The following OCA2 variants were observed in gnomAD, a reference collection of about 807,000 sequenced individuals.
OCA2 encodes the protein OCA2 melanosomal transmembrane protein, also known as P protein.
In OCA2, 77 loss-of-function variants were observed where a neutral mutation model predicts 100.2. That is an observed-to-expected ratio of 0.77 (90% CI 0.64 to 0.93). The LOEUF (loss-of-function observed/expected upper bound fraction) is 0.93. Ranked by LOEUF, OCA2 falls within the 40% of genes least tolerant of loss-of-function variation. The pLI is 0.00. For synonymous variants in OCA2, 432 were observed against 439.2 expected (o/e 0.98, Z 0.21); for missense variants, 1,062 against 1,089.1 (o/e 0.98, Z 0.35).
intron 19 of OCA2, among the ~76,000 whole-genome samples, chr15:27,877,082 A>T (rs1472319607): frequency 3.3e-5 from 5 of 151,894 alleles, no homozygotes; most frequent in African/African-American, 1.2e-4. Context: ...TATTTTCATC[A>T]ACATTTTGCT....
chr15:27,853,491 T>C (rs1322473961), intron 21 of OCA2, among the ~76,000 whole-genome samples: 3 of 147,174 alleles, frequency 2.0e-5, no homozygotes, highest in South Asian at 2.2e-4. Context: ...AGTTAATGGG[T>C]GCAGCACACC....
At chr15:27,923,255 AG>A (rs1339888085) in intron 19 of OCA2, among the ~76,000 whole-genome samples, 1 of 152,248 alleles carries the variant, frequency 6.6e-6, no homozygotes, top group Non-Finnish European at 1.5e-5. Flanking sequence ...CTACCACTGA[AG>A]GACATTTAGA....
At chr15:28,050,633 G>A (rs2043483515) in intron 2 of OCA2, among the ~76,000 whole-genome samples, 2 of 151,340 alleles carry the variant, frequency 1.3e-5, no homozygotes, top group Non-Finnish European at 2.9e-5. Flanking sequence ...GCATACGCAC[G>A]CATCCTCTTC....
chr15:27,854,093 T>C (rs984583852), intron 21 of OCA2, among the ~76,000 whole-genome samples: 4 of 152,140 alleles, frequency 2.6e-5, no homozygotes, highest in African/African-American at 7.2e-5. Flanking sequence ...TGGGTCCTCC[T>C]CCCCACCCCA....
intron 23 of OCA2, among the ~76,000 whole-genome samples, chr15:27,766,942 G>A (rs1051332807): frequency 8.5e-5 from 13 of 152,130 alleles, no homozygotes; most frequent in African/African-American, 2.2e-4. Context: ...CTCCTGGACC[G>A]CCCTGTATGA....
chr15:27,821,626 G>A (rs2034507516), intron 23 of OCA2, among the ~76,000 whole-genome samples: 1 of 138,106 alleles, frequency 7.2e-6, no homozygotes. Flanking sequence ...ATACATGTGT[G>A]CACACTTGCA....
downstream of OCA2, among the ~76,000 whole-genome samples, chr15:27,751,940 C>T (rs2030078547): frequency 6.6e-6 from 1 of 152,232 alleles, no homozygotes; most frequent in South Asian, 2.1e-4. Context: ...ATCTGATCCA[C>T]TGAACCATCA....
At chr15:27,967,230 G>T (rs2140832641) in intron 14 of OCA2, among the ~76,000 whole-genome samples, 1 of 152,322 alleles carries the variant, frequency 6.6e-6, no homozygotes, top group East Asian at 1.9e-4. Flanking sequence ...CAGGAGGGAA[G>T]GGGCTCACCA....
At chr15:27,908,105 T>C (rs1371136258) in intron 19 of OCA2, among the ~76,000 whole-genome samples, 3 of 152,094 alleles carry the variant, frequency 2.0e-5, no homozygotes, top group African/African-American at 4.8e-5. Flanking sequence ...ATATCATGAA[T>C]TACTAATAAA....
At chr15:27,893,505 C>A (rs1464565600) in intron 19 of OCA2, among the ~76,000 whole-genome samples, 2 of 152,098 alleles carry the variant, frequency 1.3e-5, no homozygotes. Context: ...AATGGACGTG[C>A]AAGTAGGAAA....
At chr15:28,080,448 C>T (rs776584690) in intron 2 of OCA2, among the ~76,000 whole-genome samples, 2 of 152,208 alleles carry the variant, frequency 1.3e-5, no homozygotes, top group African/African-American at 4.8e-5. Flanking sequence ...CACGAATGAA[C>T]GAGAGCTACA....
intron 21 of OCA2, among the ~76,000 whole-genome samples, chr15:27,866,370 G>A (rs1402250074): frequency 6.6e-6 from 1 of 152,188 alleles, no homozygotes; most frequent in East Asian, 1.9e-4. Flanking sequence ...GCAGGAGGGA[G>A]GTGCACAGCT....
Position 28,032,212 on chromosome 15 carries a change from A to G in OCA2, c.228-49T>C, listed in dbSNP as rs184696089. The G allele has an allele frequency of 2.0e-5, 26 of 1,310,680 alleles. No homozygotes were observed. The African/African-American group carries it at 2.9e-4, about 15-fold the overall frequency. The allele number at this position is 1,310,680 out of a possible 1,614,324, so 81.2% of individuals were successfully genotyped here. A position where few individuals can be genotyped will look rare whatever the true frequency, so the allele number is the denominator to read the frequency against. ...AGAATCACCAACACAGAAATAATGT[A>G]TGTGTTCCCAGCACTCAGGTGCTAG... On this transcript the variant is annotated intron_variant, in intron 2 of 23. Transcript: ENST00000354638.
intron 2 of OCA2, among the ~76,000 whole-genome samples, chr15:28,032,435 C>T (rs898611858): frequency 1.3e-5 from 2 of 152,146 alleles, no homozygotes; most frequent in Non-Finnish European, 2.9e-5. Context: ...CTCACTTTTG[C>T]ATTAGCAGGA....
chr15:28,050,367 G>A (rs1311858025), intron 2 of OCA2, among the ~76,000 whole-genome samples: 2 of 152,018 alleles, frequency 1.3e-5, no homozygotes, highest in Non-Finnish European at 2.9e-5. Flanking sequence ...GACCAGCCTG[G>A]CCAACATGGT....
intron 14 of OCA2, among the ~76,000 whole-genome samples, chr15:27,982,468 A>G (rs1439173771): frequency 6.6e-6 from 1 of 152,190 alleles, no homozygotes; most frequent in African/African-American, 2.4e-5. Context: ...TGCACACCTC[A>G]GTTCACATGG....
the OCA2 span, among the ~76,000 whole-genome samples, chr15:27,719,871 G>A: frequency 6.6e-6 from 1 of 152,074 alleles, no homozygotes; most frequent in Non-Finnish European, 1.5e-5. Flanking sequence ...AGGACAAGAG[G>A]ACTGACCATG....
chr15:27,902,780 C>G (rs1054939837), intron 19 of OCA2, among the ~76,000 whole-genome samples: 7 of 152,218 alleles, frequency 4.6e-5, no homozygotes, highest in Admixed American at 2.6e-4. Flanking sequence ...ATGCACCATA[C>G]GCGGAAACAC....
chr15:27,924,264 T>C (rs985545366), intron 19 of OCA2, among the ~76,000 whole-genome samples: 2 of 152,200 alleles, frequency 1.3e-5, no homozygotes, highest in Admixed American at 6.5e-5. Context: ...TTCTAAGCTA[T>C]GCAGTTCATC....
Sources: gnomAD v4.1 joint callset for allele counts (sites outside exome capture counted in the v4.1 genomes callset) on GRCh38, gnomAD v4.1.1 for gene constraint, MANE v1.5 for transcripts, NCBI Gene and HGNC (gene_info 2026-07-23, HGNC 2026-07-21) for gene names.